SLC38A9: variants seen among roughly 807,000 people sequenced by gnomAD.
SLC38A9 encodes solute carrier family 38 member 9.
In SLC38A9, 48 loss-of-function variants were observed where a neutral mutation model predicts 62.3. The ratio of observed to expected loss-of-function variants is 0.77; its 90% confidence interval spans 0.61 to 0.98. The LOEUF is 0.98. SLC38A9 is among the 50% of genes least tolerant of loss of function. The probability of loss-of-function intolerance (pLI) is 0.00; values close to 1 mark genes in which losing one functional copy is unlikely to be tolerated. For synonymous variants in SLC38A9, 204 were observed against 227.7 expected (o/e 0.90, Z 0.94); for missense variants, 541 against 679.8 (o/e 0.80, Z 2.27).
chr5:55,642,562 A>C (rs1745614796), intron 12 of SLC38A9, among the ~76,000 whole-genome samples: 1 of 152,220 alleles, frequency 6.6e-6, no homozygotes. Flanking sequence ...TCTACTTAAC[A>C]AAATGAGTTT....
intron 3 of SLC38A9, among the ~76,000 whole-genome samples, chr5:55,695,255 T>C (rs1467952308): frequency 2.0e-5 from 3 of 148,098 alleles, no homozygotes; most frequent in African/African-American, 7.4e-5. Context: ...ATTTTACACA[T>C]TCATGTTAAG....
intron 3 of SLC38A9, among the ~76,000 whole-genome samples, chr5:55,684,207 T>C (rs1017684684): frequency 6.6e-6 from 1 of 152,226 alleles, no homozygotes; most frequent in Non-Finnish European, 1.5e-5. Flanking sequence ...TCCTGATAAC[T>C]CCATTATCTG....
intron 12 of SLC38A9, among the ~76,000 whole-genome samples, chr5:55,636,960 A>G (rs531173537): frequency 6.6e-6 from 1 of 152,308 alleles, no homozygotes; most frequent in South Asian, 2.1e-4. Context: ...ACGGGAGGCC[A>G]GAGTTCAGTC....
chr5:55,680,473 A>G (rs897839762), intron 3 of SLC38A9, among the ~76,000 whole-genome samples: 2 of 152,228 alleles, frequency 1.3e-5, no homozygotes, highest in Admixed American at 6.5e-5. Context: ...AGGCCCTTAC[A>G]AAAGAGGCTT....
chr5:55,641,140 A>G (rs1745393588), intron 12 of SLC38A9, among the ~76,000 whole-genome samples: 1 of 152,208 alleles, frequency 6.6e-6, no homozygotes, highest in African/African-American at 2.4e-5. Context: ...ATGCCCGGCC[A>G]ACATCTTTTA....
At chr5:55,675,537 G>C (rs1234767867) in intron 3 of SLC38A9, among the ~76,000 whole-genome samples, 1 of 152,104 alleles carries the variant, frequency 6.6e-6, no homozygotes, top group Non-Finnish European at 1.5e-5. Flanking sequence ...ACAATATTCA[G>C]AATAAGACTT....
intron 12 of SLC38A9, 39 bp downstream of exon 12, chr5:55,645,750 C>A (rs367754940): frequency 1.4e-6 from 2 of 1,380,588 alleles, no homozygotes; most frequent in Non-Finnish European, 2.0e-6. Context: ...AATTTATCCT[C>A]GGGAGATACA....
At chr5:55,677,385 C>T (rs1476151446) in intron 3 of SLC38A9, among the ~76,000 whole-genome samples, 2 of 152,168 alleles carry the variant, frequency 1.3e-5, no homozygotes, top group Non-Finnish European at 2.9e-5. Context: ...TAAACTTCCA[C>T]CCAGTGTGTC....
intron 8 of SLC38A9, among the ~76,000 whole-genome samples, chr5:55,664,251 A>G (rs1750091658): frequency 6.6e-6 from 1 of 152,150 alleles, no homozygotes; most frequent in South Asian, 2.1e-4. Context: ...TAAGTAGCTG[A>G]TTTGGGTAAA....
chr5:55,697,665 A>T (rs1388263737), intron 3 of SLC38A9, among the ~76,000 whole-genome samples, 181 bp downstream of exon 3: 1 of 151,922 alleles, frequency 6.6e-6, no homozygotes, highest in East Asian at 1.9e-4. Context: ...AAAAAAAAAA[A>T]AAAAAAAAAA....
chr5:55,664,938 TAAACTC>T (rs1750220230), intron 7 of SLC38A9, 75 bp from the exon 8 acceptor site: 2 of 1,007,086 alleles, frequency 2.0e-6, no homozygotes, highest in Non-Finnish European at 2.8e-6. Flanking sequence ...GTTCCCCAAA[TAAACTC>T]AAAATATTTG....
chr5:55,704,813 T>C (rs2150705187), intron 2 of SLC38A9, among the ~76,000 whole-genome samples: 1 of 152,358 alleles, frequency 6.6e-6, no homozygotes, highest in East Asian at 1.9e-4. Flanking sequence ...TAAGATTGCC[T>C]GGATGTGAAT....
At chr5:55,659,543 A>G (rs1295437316) in intron 8 of SLC38A9, among the ~76,000 whole-genome samples, 4 of 151,818 alleles carry the variant, frequency 2.6e-5, no homozygotes, top group African/African-American at 4.8e-5. Flanking sequence ...GCCCACCACC[A>G]CGCCTGGCTA....
intron 10 of SLC38A9, 109 bp downstream of exon 10, chr5:55,652,420 A>G (rs867921006): frequency 5.3e-5 from 27 of 507,642 alleles, no homozygotes; most frequent in African/African-American, 4.5e-4. Context: ...AACAAATTAA[A>G]CACAGATGAA....
rs575735839 is a variant in SLC38A9 at position 55,694,685 on chromosome 5, T to C, written c.113+3161A>G. On this transcript the variant is annotated intron_variant, in intron 3 of 15. Transcript: ENST00000396865. ...AAGTCCAAGAGTTCTCCCTTTTCCC[T>C]TTTCCCTTCCCTTCCCTTCCCCTCC... Among the ~76,000 whole-genome samples the C allele has an allele frequency of 5.9e-3, 896 of 151,604 alleles. 3 individuals are homozygous for C. Among genetic ancestry groups the C allele is most frequent in the Middle Eastern group, 0.01 (3 of 292 alleles).
intron 3 of SLC38A9, among the ~76,000 whole-genome samples, chr5:55,678,385 C>T (rs1426427742): frequency 6.6e-6 from 1 of 152,112 alleles, no homozygotes; most frequent in Non-Finnish European, 1.5e-5. Flanking sequence ...GTGCCACCCG[C>T]CTTCACCTCC....
intron 9 of SLC38A9, among the ~76,000 whole-genome samples, chr5:55,656,044 CT>C (rs1447421905): frequency 2.6e-5 from 4 of 151,954 alleles, no homozygotes; most frequent in Non-Finnish European, 4.4e-5. Flanking sequence ...CTAAGTTAAA[CT>C]GAGAACTATG....
At chr5:55,679,394 T>C (rs1752684237) in intron 3 of SLC38A9, among the ~76,000 whole-genome samples, 1 of 152,148 alleles carries the variant, frequency 6.6e-6, no homozygotes, top group Non-Finnish European at 1.5e-5. Context: ...ACAAAGAACT[T>C]GACCTGAAAA....
chr5:55,684,510 AT>A (rs1173133433), intron 3 of SLC38A9, among the ~76,000 whole-genome samples: 1 of 152,198 alleles, frequency 6.6e-6, no homozygotes, highest in Non-Finnish European at 1.5e-5. Flanking sequence ...TTTCAAATTC[AT>A]TCACATTTCT....
Sources: gnomAD v4.1 joint callset for allele counts (sites outside exome capture counted in the v4.1 genomes callset) on GRCh38, gnomAD v4.1.1 for gene constraint, MANE v1.5 for transcripts, NCBI Gene and HGNC (gene_info 2026-07-23, HGNC 2026-07-21) for gene names.